The following AP3B1 variants were observed in gnomAD, a reference collection of about 807,000 sequenced individuals.
The protein encoded by AP3B1 is AP-3 complex subunit beta-1.
In AP3B1, 61 loss-of-function variants were observed where a neutral mutation model predicts 132.5. The ratio of observed to expected loss-of-function variants is 0.46; its 90% CI spans 0.37 to 0.57. The LOEUF (loss-of-function observed/expected upper bound fraction) is 0.57. AP3B1 is among the 20% of genes least tolerant of loss of function. The pLI is 0.00. For missense variants in AP3B1, 1,120 were observed against 1,289.4 expected (o/e 0.87, Z 2.01); for synonymous variants, 388 against 438.3 (o/e 0.89, Z 1.43).
chr5:78,128,671 C>G (rs982402300), intron 16 of AP3B1, among the ~76,000 whole-genome samples: 1 of 152,090 alleles, frequency 6.6e-6, no homozygotes, highest in South Asian at 2.1e-4. Flanking sequence ...CGTAAGTCAA[C>G]TTCCCTCTTT....
chr5:78,109,686 C>T (rs1751490239), intron 20 of AP3B1, among the ~76,000 whole-genome samples: 1 of 151,350 alleles, frequency 6.6e-6, no homozygotes, highest in African/African-American at 2.4e-5. Context: ...TATTTTTTTC[C>T]TGCTAAGCAG....
chr5:78,189,494 T>C (rs1313524441), intron 7 of AP3B1, among the ~76,000 whole-genome samples: 6 of 152,184 alleles, frequency 3.9e-5, no homozygotes, highest in African/African-American at 1.2e-4. Context: ...CACTATCTTA[T>C]TAAAATTTAG....
At chr5:78,246,552 GTTC>G (rs1171734515) in intron 2 of AP3B1, among the ~76,000 whole-genome samples, 4 of 152,046 alleles carry the variant, frequency 2.6e-5, no homozygotes, top group Non-Finnish European at 1.5e-5. Flanking sequence ...AGATAATCTA[GTTC>G]TTCTTGAGTA....
Position 78,293,477 on chromosome 5 carries a change from C to A in AP3B1, c.128+975G>T, listed in dbSNP as rs114312251. ...TCCTCAATACAGCCAAAATGTAATC[C>A]CAATTTGAAGTAGTAGCACTTTCTA... On this transcript the variant is annotated intron_variant, in intron 1 of 26. Transcript: ENST00000255194. Among the ~76,000 whole-genome samples the A allele has an allele frequency of 6.4e-3, 979 of 152,074 alleles. 7 individuals are homozygous for A. Among genetic ancestry groups the A allele is most frequent in the African/African-American group, 0.022 (920 of 41,482 alleles).
At chr5:78,112,719 TTAAGA>T (rs1751650642) in intron 19 of AP3B1, among the ~76,000 whole-genome samples, 1 of 152,238 alleles carries the variant, frequency 6.6e-6, no homozygotes, top group Non-Finnish European at 1.5e-5. Context: ...CTTCTAGCTT[TTAAGA>T]TAAGATTTTA....
intron 14 of AP3B1, 81 bp from the exon 15 acceptor site, chr5:78,141,400 C>T: frequency 2.6e-6 from 3 of 1,154,396 alleles, no homozygotes; most frequent in Non-Finnish European, 3.8e-6. Context: ...TTAACTATTA[C>T]AAAAGTTTTA....
At chr5:78,080,075 C>G (rs1280968333) in intron 22 of AP3B1, among the ~76,000 whole-genome samples, 1 of 152,174 alleles carries the variant, frequency 6.6e-6, no homozygotes, top group East Asian at 1.9e-4. Context: ...GTGGTGCGAT[C>G]CTGGCTCTTG....
intron 23 of AP3B1, among the ~76,000 whole-genome samples, chr5:78,036,648 TC>T (rs895751382): frequency 5.9e-5 from 9 of 152,086 alleles, no homozygotes; most frequent in African/African-American, 1.7e-4. Flanking sequence ...TTCCTAATAT[TC>T]TTGTAAGGAA....
intron 6 of AP3B1, among the ~76,000 whole-genome samples, chr5:78,223,395 T>C (rs1230173453): frequency 6.6e-6 from 1 of 152,096 alleles, no homozygotes; most frequent in Admixed American, 6.6e-5. Flanking sequence ...CCAAAGAATC[T>C]ACCTATGAAC....
chr5:78,240,031 G>C (rs1747058547), intron 3 of AP3B1, among the ~76,000 whole-genome samples: 1 of 152,078 alleles, frequency 6.6e-6, no homozygotes, highest in African/African-American at 2.4e-5. Flanking sequence ...TACAAAATTA[G>C]CGAACCCTCT....
chr5:78,094,250 CTCTAAG>C (rs1750674018), intron 21 of AP3B1, among the ~76,000 whole-genome samples: 1 of 152,120 alleles, frequency 6.6e-6, no homozygotes, highest in East Asian at 1.9e-4. Context: ...ATATTGATAT[CTCTAAG>C]TCTAACAAAA....
chr5:78,023,523 A>C (rs1316915174), intron 24 of AP3B1, among the ~76,000 whole-genome samples: 1 of 152,206 alleles, frequency 6.6e-6, no homozygotes, highest in Admixed American at 6.5e-5. Flanking sequence ...GTCTGGAAGC[A>C]GTAAGAATGG....
intron 24 of AP3B1, among the ~76,000 whole-genome samples, chr5:78,030,247 C>T (rs1039176727): frequency 6.6e-6 from 1 of 152,136 alleles, no homozygotes; most frequent in African/African-American, 2.4e-5. Context: ...AAGCTATCCT[C>T]CCGCCTCAGC....
chr5:78,291,699 A>G (rs2112601847), intron 1 of AP3B1, among the ~76,000 whole-genome samples: 1 of 152,318 alleles, frequency 6.6e-6, no homozygotes, highest in Middle Eastern at 3.4e-3. Context: ...AAGGCTAAGG[A>G]ACTATCCCAG....
chr5:78,092,259 C>T (rs1189346645), intron 21 of AP3B1, among the ~76,000 whole-genome samples: 1 of 152,146 alleles, frequency 6.6e-6, no homozygotes, highest in Admixed American at 6.5e-5. Context: ...AGAGAAGAAA[C>T]TTCACACCAC....
At chr5:78,059,558 C>CAG (rs1748955426) in intron 22 of AP3B1, among the ~76,000 whole-genome samples, 6 of 152,014 alleles carry the variant, frequency 3.9e-5, no homozygotes, top group African/African-American at 1.2e-4. Flanking sequence ...CAACAAAACT[C>CAG]CGCAGTATTT....
intron 1 of AP3B1, among the ~76,000 whole-genome samples, chr5:78,270,844 T>C (rs1748517485): frequency 6.6e-6 from 1 of 152,210 alleles, no homozygotes; most frequent in African/African-American, 2.4e-5. Context: ...TACTCTTTCA[T>C]CTTGAAATTC....
intron 22 of AP3B1, among the ~76,000 whole-genome samples, chr5:78,084,542 A>AG (rs1227870696): frequency 7.4e-5 from 11 of 149,428 alleles, no homozygotes; most frequent in African/African-American, 2.0e-4. Flanking sequence ...AAAAAAAAAA[A>AG]AAAAGAAAAG....
intron 11 of AP3B1, among the ~76,000 whole-genome samples, chr5:78,167,639 A>T (rs1456142745): frequency 1.3e-5 from 2 of 151,898 alleles, no homozygotes; most frequent in Non-Finnish European, 2.9e-5. Context: ...ATATACACAC[A>T]CACACACACA....
Sources: allele counts gnomAD v4.1 joint callset (sites outside exome capture counted in the v4.1 genomes callset), GRCh38; gene constraint gnomAD v4.1.1; transcripts MANE v1.5; gene names NCBI Gene and HGNC (gene_info 2026-07-23, HGNC 2026-07-21).